The following MACROD2 variants were observed in gnomAD, a reference collection of about 807,000 sequenced individuals.
The protein encoded by MACROD2 is ADP-ribose glycohydrolase MACROD2.
In MACROD2, 36 loss-of-function variants were observed where a neutral mutation model predicts 70.4. That is an observed-to-expected ratio of 0.51 (90% CI 0.39 to 0.68). The LOEUF (loss-of-function observed/expected upper bound fraction) is 0.68. Among genes scored for constraint, MACROD2 ranks in the 30% least tolerant of loss-of-function variants. MACROD2 has a pLI of 0.00. For synonymous variants in MACROD2, 172 were observed against 178.8 expected (o/e 0.96, Z 0.30); for missense variants, 496 against 538.4 (o/e 0.92, Z 0.78).
intron 3 of MACROD2, among the ~76,000 whole-genome samples, chr20:14,172,721 T>C (rs1265795982): frequency 6.6e-6 from 1 of 152,194 alleles, no homozygotes; most frequent in Non-Finnish European, 1.5e-5. Context: ...CCTTGGTTTT[T>C]TTCATTGTGT....
rs145650062 is a variant in MACROD2, at chr20:14,660,002, G to T, written c.302-24841G>T. Among the ~76,000 whole-genome samples, 1,375 of 152,270 alleles carry T rather than the reference G, an allele frequency of 9.0e-3. 10 individuals carry two copies. Among genetic ancestry groups the T allele is most frequent in the Middle Eastern group, 0.017 (5 of 294 alleles). ...GGGGGCTTGTTTAGAGAGAATAAAGGTTATAACCTGGTCTGTCTGTTGAGA... is the reference window on the plus strand; with the variant it reads ...GGGGGCTTGTTTAGAGAGAATAAAGTTTATAACCTGGTCTGTCTGTTGAGA... On this transcript the variant is annotated intron_variant, in intron 4 of 17. Transcript: ENST00000684519.
chr20:14,644,461 A>G (rs987160863), intron 4 of MACROD2, among the ~76,000 whole-genome samples: 5 of 152,172 alleles, frequency 3.3e-5, no homozygotes, highest in African/African-American at 7.2e-5. Flanking sequence ...TGGTTTTATA[A>G]TTTAGCATTC....
intron 8 of MACROD2, among the ~76,000 whole-genome samples, chr20:15,555,898 G>A (rs1382539182): frequency 6.7e-6 from 1 of 149,286 alleles, no homozygotes; most frequent in Non-Finnish European, 1.5e-5. Flanking sequence ...AACTGGGATT[G>A]AAAGTGTGTG....
chr20:15,227,400 G>A (rs968647712), intron 5 of MACROD2, among the ~76,000 whole-genome samples: 6 of 146,622 alleles, frequency 4.1e-5, no homozygotes, highest in African/African-American at 1.3e-4. Flanking sequence ...CCTCGCCCCC[G>A]TTAATATCTC....
intron 8 of MACROD2, among the ~76,000 whole-genome samples, chr20:15,632,835 T>C (rs1250955074): frequency 6.6e-6 from 1 of 150,600 alleles, no homozygotes; most frequent in Non-Finnish European, 1.5e-5. Context: ...CCTTCCCTCC[T>C]CTCCTTCTTC....
At chr20:14,866,474 T>C (rs189712523) in intron 5 of MACROD2, among the ~76,000 whole-genome samples, 55 of 152,238 alleles carry the variant, frequency 3.6e-4, no homozygotes, top group African/African-American at 1.3e-3. Flanking sequence ...AGATGATGAT[T>C]TTTTTAAGTT....
In MACROD2 at chr20:15,356,880, A is replaced by G. The variant is rs372561730; in HGVS notation, c.541-74525A>G. Among the ~76,000 whole-genome samples the G allele has an allele frequency of 1.7e-4, 26 of 152,378 alleles. 1 individual carries two copies. The East Asian group carries it at 3.5e-3, about 20-fold the overall frequency. On this transcript the variant is annotated intron_variant, in intron 6 of 17. Coordinates refer to ENST00000684519, the MANE Select transcript of MACROD2 (RefSeq NM_001351661.2). ...CAAATACTGTTAATTCAGGTTACCT[A>G]AGTTTCTGTGAAGAAGAACATGTTA...
At chr20:15,471,065 TCTC>T (rs2046959005) in intron 7 of MACROD2, among the ~76,000 whole-genome samples, 1 of 152,212 alleles carries the variant, frequency 6.6e-6, no homozygotes, top group African/African-American at 2.4e-5. Context: ...TGTGCCCCTT[TCTC>T]CTCTTTGTTT....
At chr20:15,441,105 TGACA>T (rs1160845404) in intron 7 of MACROD2, among the ~76,000 whole-genome samples, 2 of 152,194 alleles carry the variant, frequency 1.3e-5, no homozygotes, top group African/African-American at 4.8e-5. Flanking sequence ...AGAGACAACT[TGACA>T]GACAGCAAAA....
intron 9 of MACROD2, among the ~76,000 whole-genome samples, chr20:15,871,901 C>T (rs1028495424): frequency 1.3e-5 from 2 of 152,154 alleles, no homozygotes; most frequent in African/African-American, 2.4e-5. Flanking sequence ...GAAGGATTAA[C>T]TCAATTCACG....
intron 5 of MACROD2, among the ~76,000 whole-genome samples, chr20:14,896,656 A>C (rs181808045): frequency 2.7e-4 from 41 of 152,226 alleles, no homozygotes; most frequent in African/African-American, 9.4e-4. Context: ...CCATAAAAAA[A>C]AAAAAATGAC....
At chr20:15,907,566 T>A (rs2065166278) in intron 10 of MACROD2, among the ~76,000 whole-genome samples, 1 of 152,262 alleles carries the variant, frequency 6.6e-6, no homozygotes, top group Non-Finnish European at 1.5e-5. Context: ...TATGTAGGCA[T>A]GCCCTTGAAT....
At chr20:14,285,155 A>G (rs2082334188) in intron 3 of MACROD2, among the ~76,000 whole-genome samples, 1 of 152,196 alleles carries the variant, frequency 6.6e-6, no homozygotes. Context: ...GCTTGGAACC[A>G]GAGTGTTTCA....
chr20:15,566,511 G>A (rs1466306124), intron 8 of MACROD2, among the ~76,000 whole-genome samples: 1 of 150,982 alleles, frequency 6.6e-6, no homozygotes. Context: ...AAAAAAAAAA[G>A]GGAACAATTC....
chr20:14,965,795 T>C (rs1045588831), intron 5 of MACROD2, among the ~76,000 whole-genome samples: 11 of 152,026 alleles, frequency 7.2e-5, no homozygotes, highest in African/African-American at 1.9e-4. Context: ...AACTTCATCA[T>C]AGAGGTGATA....
chr20:14,441,433 T>C (rs2084121987), intron 3 of MACROD2, among the ~76,000 whole-genome samples: 7 of 152,214 alleles, frequency 4.6e-5, no homozygotes, highest in Admixed American at 4.6e-4. Context: ...TTTAAGCCTC[T>C]ACATTTTGTG....
chr20:15,154,126 T>C lies in MACROD2; in HGVS notation c.419-75814T>C, dbSNP rs181483515. On this transcript the variant is annotated intron_variant, in intron 5 of 17. Coordinates refer to ENST00000684519, the MANE Select transcript of MACROD2 (RefSeq NM_001351661.2). ...CCTCTGGCCATGAAGAATCCTGCTT[T>C]CCACTGGTGAGTTCAGAAATTTCTA... Among the ~76,000 whole-genome samples, 8 of 152,324 alleles carry C rather than the reference T, an allele frequency of 5.3e-5. No homozygotes were observed. In the East Asian group the frequency reaches 1.5e-3, roughly 29 times the overall value.
At chr20:15,481,613 A>G (rs2146455155) in intron 7 of MACROD2, among the ~76,000 whole-genome samples, 1 of 127,860 alleles carries the variant, frequency 7.8e-6, no homozygotes, top group East Asian at 2.2e-4. Flanking sequence ...TTATGGTTAT[A>G]AAAGAAAAGA....
intron 3 of MACROD2, among the ~76,000 whole-genome samples, chr20:14,213,887 GAAGATT>G (rs2081591871): frequency 6.6e-6 from 1 of 152,056 alleles, no homozygotes; most frequent in African/African-American, 2.4e-5. Flanking sequence ...CCTGAAAAGA[GAAGATT>G]AAAAGGAGTC....
Sources: allele counts gnomAD v4.1 joint callset (sites outside exome capture counted in the v4.1 genomes callset), GRCh38; gene constraint gnomAD v4.1.1; transcripts MANE v1.5; gene names NCBI Gene and HGNC (gene_info 2026-07-23, HGNC 2026-07-21).